The following FREM2 variants were observed in gnomAD, a reference collection of about 807,000 sequenced individuals.
The protein encoded by FREM2 is FRAS1 related extracellular matrix 2.
FREM2 carries 119 observed loss-of-function variants against 219.9 expected under a neutral mutation model. That is an observed-to-expected ratio of 0.54 (90% CI 0.47 to 0.63). The LOEUF (loss-of-function observed/expected upper bound fraction) is 0.63, where lower values mean the gene tolerates loss of function less well. Ranked by LOEUF, FREM2 falls within the 30% of genes least tolerant of loss-of-function variation. The pLI is 0.00. For missense variants in FREM2, 4,030 were observed against 3,993.6 expected, an observed-to-expected ratio of 1.01 and a Z score of -0.25; for synonymous variants, 1,562 against 1,522.8, an observed-to-expected ratio of 1.03 and a Z score of -0.60.
chr13:38,802,306 C>A (rs1265794217), intron 6 of FREM2, among the ~76,000 whole-genome samples: 3 of 152,176 alleles, frequency 2.0e-5, no homozygotes, highest in East Asian at 3.8e-4. Flanking sequence ...GGTTTCCTTT[C>A]TCCTCAGTCC....
At chr13:38,782,143 C>G (rs1874142964) in intron 4 of FREM2, among the ~76,000 whole-genome samples, 1 of 152,178 alleles carries the variant, frequency 6.6e-6, no homozygotes, top group African/African-American at 2.4e-5. Context: ...TCTGCTGTTC[C>G]AGCAGTCTTT....
At chr13:38,823,259 G>A (rs1021348380) in intron 6 of FREM2, among the ~76,000 whole-genome samples, 1 of 151,914 alleles carries the variant, frequency 6.6e-6, no homozygotes, top group Non-Finnish European at 1.5e-5. Context: ...TATCTTGCCT[G>A]GATTCTTGCA....
At chr13:38,844,710 C>G (rs914751232) in intron 6 of FREM2, among the ~76,000 whole-genome samples, 43 of 152,154 alleles carry the variant, frequency 2.8e-4, no homozygotes, top group African/African-American at 1.0e-3. Flanking sequence ...TCCCATAACT[C>G]AGAAACCTAA....
intron 8 of FREM2, among the ~76,000 whole-genome samples, chr13:38,849,816 A>G (rs1049692146): frequency 6.6e-6 from 1 of 152,234 alleles, no homozygotes; most frequent in African/African-American, 2.4e-5. Flanking sequence ...ATTTCATTGC[A>G]TACCCTTACT....
At position 38,705,553 on chromosome 13, in the gene FREM2, G is replaced by A. The variant is rs981994671; in HGVS notation, c.5263+7766G>A. ...ACAAATACTGCTTGTGCCTCTTACC[G>A]TAATTGGTGACGTGACCCTGAGCCA... On this transcript the variant is annotated intron_variant, in intron 2 of 23. Coordinates refer to ENST00000280481, the MANE Select transcript of FREM2 (RefSeq NM_207361.6). Among the ~76,000 whole-genome samples, 17 of 152,144 alleles carry A rather than the reference G, an allele frequency of 1.1e-4. 1 individual carries two copies. Among genetic ancestry groups the A allele is most frequent in the Admixed American group, 6.6e-4 (10 of 15,264 alleles).
At chr13:38,840,703 TACAC>T (rs140273293) in intron 6 of FREM2, among the ~76,000 whole-genome samples, 5 of 148,952 alleles carry the variant, frequency 3.4e-5, no homozygotes, top group Admixed American at 1.3e-4. Context: ...TGTGCATATA[TACAC>T]ACACACACAC....
chr13:38,753,598 T>C (rs1015803866), intron 2 of FREM2, among the ~76,000 whole-genome samples: 6 of 152,244 alleles, frequency 3.9e-5, no homozygotes, highest in Admixed American at 3.9e-4. Flanking sequence ...AACAAATAAT[T>C]CTCAGCCACT....
chr13:38,688,866 A>G lies in FREM2; in HGVS notation c.1522A>G (p.Thr508Ala). The G allele has an allele frequency of 6.2e-7, 1 of 1,613,666 alleles. No individual in the cohort carries two copies. Among genetic ancestry groups the G allele is most frequent in the Non-Finnish European group, 8.5e-7 (1 of 1,179,876 alleles). The change falls in exon 1 of 24, where the codon ACA becomes GCA. Residue 508 changes from threonine to alanine, a missense_variant. By Grantham distance (58) the Thr-to-Ala change is moderately conservative. Coordinates refer to ENST00000280481, the MANE Select transcript of FREM2 (RefSeq NM_207361.6). ...SSGSSAPKSFTVAELAAGQVV... is the reference protein window; with the variant it reads ...SSGSSAPKSFAVAELAAGQVV... ...TGGCAGCTCTGCTCCCAAGAGCTTT[A>G]CAGTGGCTGAGCTGGCAGCCGGCCA...
intron 2 of FREM2, among the ~76,000 whole-genome samples, chr13:38,752,906 G>T (rs558045384): frequency 2.0e-5 from 3 of 152,130 alleles, no homozygotes; most frequent in African/African-American, 7.2e-5. Flanking sequence ...CCTTTGGGGT[G>T]CGGGGAGAAG....
At chr13:38,697,817 G>A (rs369041837) in intron 2 of FREM2, 30 bp downstream of exon 2, 30 of 1,238,730 alleles carry the variant, frequency 2.4e-5, no homozygotes, top group South Asian at 2.0e-4. Context: ...GGTAGTGACC[G>A]CAAGGAGAGA....
intron 2 of FREM2, among the ~76,000 whole-genome samples, chr13:38,750,647 G>T (rs544567422): frequency 1.3e-5 from 2 of 152,012 alleles, no homozygotes; most frequent in Non-Finnish European, 2.9e-5. Flanking sequence ...ATACCTAGCA[G>T]TGGGATAACT....
chr13:38,774,812 G>A (rs1298939691), intron 4 of FREM2, among the ~76,000 whole-genome samples: 1 of 152,098 alleles, frequency 6.6e-6, no homozygotes, highest in Non-Finnish European at 1.5e-5. Flanking sequence ...AGAGGTATTT[G>A]AATACAGATA....
At chr13:38,799,190 A>T (rs1214935890) in intron 6 of FREM2, among the ~76,000 whole-genome samples, 1 of 151,870 alleles carries the variant, frequency 6.6e-6, no homozygotes, top group Non-Finnish European at 1.5e-5. Context: ...TTGTTTCAAG[A>T]AATTTTTTTT....
In FREM2 at chr13:38,687,526, C is replaced by CG; in HGVS notation, c.187dup (p.Ala63GlyfsTer7). The CG allele has an allele frequency of 6.3e-7, 1 of 1,598,820 alleles. No individual in the cohort carries two copies. The highest frequency in any genetic ancestry group is 8.5e-7 in the Non-Finnish European group (1 of 1,172,936). Reference sequence around the variant, plus strand: ...AGGGCGTTGCTGTCCCCTGGTCTCGCGGGGGCTGCAGGGGTCCCTGCTGAG... The same window carrying CG: ...AGGGCGTTGCTGTCCCCTGGTCTCGCGGGGGGCTGCAGGGGTCCCTGCTGAG... On this transcript the variant is annotated frameshift_variant, in exon 1 of 24. Coordinates refer to ENST00000280481, the MANE Select transcript of FREM2 (RefSeq NM_207361.6). LOFTEE classifies it high-confidence loss of function.
chr13:38,868,360 T>C (rs1198281051), intron 16 of FREM2, among the ~76,000 whole-genome samples: 7 of 152,216 alleles, frequency 4.6e-5, no homozygotes, highest in African/African-American at 9.6e-5. Flanking sequence ...CTAAATACTT[T>C]GTATATTTCC....
intron 4 of FREM2, among the ~76,000 whole-genome samples, chr13:38,773,237 C>T (rs1232436085): frequency 2.0e-5 from 3 of 152,142 alleles, no homozygotes; most frequent in African/African-American, 4.8e-5. Context: ...TCAGTGCCCT[C>T]ATGGATATAC....
rs910157803 is a variant in FREM2, at chr13:38,689,239, A to G, written c.1895A>G (p.Glu632Gly). Residue 632 changes from glutamate to glycine, a missense_variant, in exon 1 of 24, where the codon GAG becomes GGG. Physicochemically the swap from Glu to Gly is moderately conservative, Grantham distance 98. Transcript: ENST00000280481. ...CTTCTCAGAGGCCTTTGGAGGAAGG[A>G]GGGGGCATTTTATGAGCGAACAGTG... ...QELLRGLWRK[E>G]GAFYERTVTE... is the part of the protein sequence containing the mutation. The G allele has an allele frequency of 1.2e-6, 2 of 1,613,922 alleles. No homozygotes were observed. The highest frequency in any genetic ancestry group is 2.7e-5 in the African/African-American group (2 of 74,880).
At chr13:38,822,787 G>A (rs1876118573) in intron 6 of FREM2, among the ~76,000 whole-genome samples, 1 of 152,094 alleles carries the variant, frequency 6.6e-6, no homozygotes, top group African/African-American at 2.4e-5. Context: ...ACGCTTTGCA[G>A]TAGAAGATGT....
intron 2 of FREM2, among the ~76,000 whole-genome samples, chr13:38,726,706 C>T (rs1871540618): frequency 6.6e-6 from 1 of 152,158 alleles, no homozygotes; most frequent in Non-Finnish European, 1.5e-5. Flanking sequence ...ATGATTATGG[C>T]ATAGGGAGCA....
Sources: allele counts gnomAD v4.1 joint callset (sites outside exome capture counted in the v4.1 genomes callset), GRCh38; gene constraint gnomAD v4.1.1; transcripts MANE v1.5; gene names NCBI Gene and HGNC (gene_info 2026-07-23, HGNC 2026-07-21).